TRDMT1: variants seen among roughly 807,000 people sequenced by gnomAD.
TRDMT1 encodes tRNA aspartic acid methyltransferase 1, also known as tRNA (cytosine(38)-C(5))-methyltransferase.
TRDMT1 carries 49 observed loss-of-function variants against 51.2 expected under a neutral mutation model. The ratio of observed to expected loss-of-function variants is 0.96; its 90% CI spans 0.76 to 1.21. TRDMT1 has a LOEUF of 1.21. Ranked by LOEUF, TRDMT1 falls within the 50% of genes most tolerant of loss-of-function variation. The probability of loss-of-function intolerance (pLI) is 0.00; values close to 1 mark genes in which losing one functional copy is unlikely to be tolerated. For missense variants in TRDMT1, 534 were observed against 462.3 expected, an observed-to-expected ratio of 1.16 and a Z score of -1.42; for synonymous variants, 187 against 164.6, an observed-to-expected ratio of 1.14 and a Z score of -1.04.
In TRDMT1 at chr10:17,159,242, C is replaced by T; in HGVS notation, c.460-13G>A. On this transcript the variant is annotated splice_polypyrimidine_tract_variant and intron_variant, in intron 6 of 10. Coordinates refer to ENST00000377799, the MANE Select transcript of TRDMT1 (RefSeq NM_004412.7). The stretch of plus-strand genomic sequence containing the variant: ...TTGGAATGCCAAGCTGTAAGCAAAG[C>T]AAAGCAGTTAGTTACTCTAAAAAAT... The T allele has an allele frequency of 6.3e-7, 1 of 1,581,070 alleles. No homozygotes were observed.
chr10:17,150,788 A>G (rs1212791303), intron 10 of TRDMT1: 1 of 984,842 alleles, frequency 1.0e-6, no homozygotes, highest in Non-Finnish European at 1.2e-6. Flanking sequence ...ATTAAACATG[A>G]TCATAAAGTT....
At chr10:17,174,421 C>A in intron 2 of TRDMT1, 130 bp downstream of exon 2, 2 of 590,306 alleles carry the variant, frequency 3.4e-6, no homozygotes, top group South Asian at 2.7e-5. Flanking sequence ...ATGTTAATCT[C>A]CTTCTCCTGA....
chr10:17,143,852 T>C lies in TRDMT1; in HGVS notation c.*5188A>G, dbSNP rs1266273275. The C allele has an allele frequency of 1.0e-6, 1 of 985,340 alleles. No individual in the cohort carries two copies. The highest frequency in any genetic ancestry group is 1.7e-5 in the African/African-American group (1 of 57,236). The allele number at this position is 985,340 out of a possible 1,614,324, so 61.0% of individuals were successfully genotyped here. ...ATGTGGAGACTAACCGTACCATAAATATTAAAGTCAAGAGTGGAACTGACT... is the reference window on the plus strand; with the variant it reads ...ATGTGGAGACTAACCGTACCATAAACATTAAAGTCAAGAGTGGAACTGACT... On this transcript the variant is annotated 3_prime_UTR_variant, in exon 11 of 11. Coordinates refer to ENST00000377799, the MANE Select transcript of TRDMT1 (RefSeq NM_004412.7).
chr10:17,151,867 G>A, intron 10 of TRDMT1: 2 of 1,034,722 alleles, frequency 1.9e-6, no homozygotes, highest in South Asian at 6.1e-5. Flanking sequence ...CAGGAGTTAT[G>A]ATCATCCTCA....
In TRDMT1 at chr10:17,149,049, T is replaced by C. The variant is rs769638031; in HGVS notation, c.1167A>G (p.Leu389=). 6.2e-6 allele frequency: 10 copies of C among 1,603,520 alleles called. No individual in the cohort carries two copies. The highest frequency in any genetic ancestry group is 1.7e-5 in the Admixed American group (1 of 58,604). Residue 389 remains leucine (L), a synonymous_variant, in exon 11 of 11, where the codon TTA becomes TTG. Transcript: ENST00000377799. ...CAGAGTTATTTCAAAATTATTCATA[T>C]AAGATTTTGATTAGTTTAGCTACTA... The part of the protein sequence containing the change: ...VHVVAKLIKI[L]YE
At chr10:17,164,556 T>G (rs909712341) in intron 3 of TRDMT1, among the ~76,000 whole-genome samples, 4 of 152,076 alleles carry the variant, frequency 2.6e-5, no homozygotes, top group African/African-American at 9.7e-5. Context: ...GGGCATTCAG[T>G]TAGGAAAAGA....
chr10:17,146,445 A>T lies in TRDMT1; in HGVS notation c.*2595T>A. 1 of 985,400 alleles carries T rather than the reference A, an allele frequency of 1.0e-6. No homozygotes were observed. Among genetic ancestry groups the T allele is most frequent in the Non-Finnish European group, 1.2e-6 (1 of 829,930 alleles). The allele number at this position is 985,400 out of a possible 1,614,324, so 61.0% of individuals were successfully genotyped here. A position where few individuals can be genotyped will look rare whatever the true frequency, so the allele number is the denominator to read the frequency against. On this transcript the variant is annotated 3_prime_UTR_variant, in exon 11 of 11. Transcript: ENST00000377799. ...TCAGGCTCTGACCCCTCCTACAATG[A>T]CTACCCACCTCTTCGAAATCATTTT... is the stretch of plus-strand genomic sequence containing the variant.
chr10:17,195,474 A>T (rs1845281227), intron 1 of TRDMT1, among the ~76,000 whole-genome samples: 1 of 152,168 alleles, frequency 6.6e-6, no homozygotes, highest in Non-Finnish European at 1.5e-5. Context: ...GGGGCAGCAA[A>T]GGTTAAAAAA....
chr10:17,145,803 G>A lies in TRDMT1; in HGVS notation c.*3237C>T. ...GTTTGGATGCAGATGCAGCTGGCCTGCAGAATGCATCCTTTAGTAGGTGCT... is the reference window on the plus strand; with the variant it reads ...GTTTGGATGCAGATGCAGCTGGCCTACAGAATGCATCCTTTAGTAGGTGCT... On this transcript the variant is annotated 3_prime_UTR_variant, in exon 11 of 11. Transcript: ENST00000377799. The A allele has an allele frequency of 2.0e-6, 2 of 985,486 alleles. No individual in the cohort carries two copies. Among genetic ancestry groups the A allele is most frequent in the Non-Finnish European group, 2.4e-6 (2 of 829,944 alleles). The allele number at this position is 985,486 out of a possible 1,614,324, so 61.0% of individuals were successfully genotyped here.
In TRDMT1 at chr10:17,160,382, G is replaced by GAAA. The variant is rs747137251; in HGVS notation, c.390-11_390-9dup. 4.0e-5 allele frequency: 49 copies of GAAA among 1,233,498 alleles called. No homozygotes were observed. The highest frequency in any genetic ancestry group is 1.3e-4 in the South Asian group (8 of 59,404). 76.4% of individuals were successfully genotyped at this position (1,233,498 alleles called of 1,614,324 possible). On this transcript the variant is annotated splice_polypyrimidine_tract_variant and intron_variant, in intron 5 of 10. Transcript: ENST00000377799. Reference sequence around the variant, plus strand: ...GTTTGTATCAAGAGGTCTCTAAAAAGAAAAAAAAAAAACTTTAATTCTTAC... The same window carrying GAAA: ...GTTTGTATCAAGAGGTCTCTAAAAAGAAAAAAAAAAAAAAACTTTAATTCTTAC...
intron 1 of TRDMT1, among the ~76,000 whole-genome samples, chr10:17,177,713 AACACACACAC>A (rs372220525): frequency 4.1e-5 from 6 of 147,146 alleles, no homozygotes; most frequent in South Asian, 4.3e-4. Context: ...ATAGACAAGA[AACACACACAC>A]ACACACACAC....
Position 17,145,190 on chromosome 10 carries a change from T to A in TRDMT1, c.*3850A>T, listed in dbSNP as rs1012927173. Reference sequence around the variant, plus strand: ...TTAACCCAGGAGGGGGAGATTGCAGTGAGCCGAGATCACGCCACTGCACTC... The same window carrying A: ...TTAACCCAGGAGGGGGAGATTGCAGAGAGCCGAGATCACGCCACTGCACTC... On this transcript the variant is annotated 3_prime_UTR_variant, in exon 11 of 11. Coordinates refer to ENST00000377799, the MANE Select transcript of TRDMT1 (RefSeq NM_004412.7). The A allele has an allele frequency of 1.3e-5, 10 of 766,626 alleles. No individual in the cohort carries two copies. In the African/African-American group the frequency reaches 1.5e-4, roughly 12 times the overall value. The allele number at this position is 766,626 out of a possible 1,614,324, so 47.5% of individuals were successfully genotyped here. A position where few individuals can be genotyped will look rare whatever the true frequency, so the allele number is the denominator to read the frequency against.
intron 1 of TRDMT1, among the ~76,000 whole-genome samples, chr10:17,194,951 A>AAGCC (rs1845201711): frequency 9.7e-6 from 1 of 103,134 alleles, no homozygotes; most frequent in Non-Finnish European, 2.1e-5. Context: ...AAAAAAGTCA[A>AAGCC]AAAAAAAAAA....
rs1390166447 is a variant in TRDMT1, at chr10:17,145,839, T to C, written c.*3201A>G. On this transcript the variant is annotated 3_prime_UTR_variant, in exon 11 of 11. Transcript: ENST00000377799. ...CCTTTAGTAGGTGCTTGATATTAGA[T>C]GAAATGTGGTTGCTTCTTTGTTCTG... 7.1e-6 allele frequency: 7 copies of C among 985,466 alleles called. No homozygotes were observed. The East Asian group carries it at 7.9e-4, about 112-fold the overall frequency. 61.0% of individuals were successfully genotyped at this position (985,466 alleles called of 1,614,324 possible).
rs188707673 is a variant in TRDMT1, at chr10:17,198,935, T to G, written c.64+2636A>C. ...TGTATAGATCCAAGGAAGTTAGTAG[T>G]TCTAACCAGAACAACGGCAACATAG... On this transcript the variant is annotated intron_variant, in intron 1 of 10. Transcript: ENST00000377799. Among the ~76,000 whole-genome samples the G allele has an allele frequency of 2.7e-3, 404 of 152,296 alleles. 1 individual carries two copies. The highest frequency in any genetic ancestry group is 4.4e-3 in the Non-Finnish European group (300 of 68,028).
intron 1 of TRDMT1, among the ~76,000 whole-genome samples, chr10:17,177,627 G>A (rs1034066318): frequency 3.3e-5 from 5 of 151,982 alleles, no homozygotes; most frequent in Non-Finnish European, 5.9e-5. Context: ...TTTCAAGAGA[G>A]ACTTCTAGGT....
chr10:17,157,305 C>A lies in TRDMT1; in HGVS notation c.887+136G>T, dbSNP rs1356345274. 3 of 769,538 alleles carry A rather than the reference C, an allele frequency of 3.9e-6. No homozygotes were observed. In the East Asian group the frequency reaches 8.1e-5, roughly 21 times the overall value. The allele number at this position is 769,538 out of a possible 1,614,324, so 47.7% of individuals were successfully genotyped here. ...GTGTTCTACTGGAACATGAAGTAGG[C>A]AATTAAGGGAAAATACCTCATTCTA... On this transcript the variant is annotated intron_variant, in intron 8 of 10. Coordinates refer to ENST00000377799, the MANE Select transcript of TRDMT1 (RefSeq NM_004412.7).
At chr10:17,183,597 T>C (rs1426299188) in intron 1 of TRDMT1, among the ~76,000 whole-genome samples, 3 of 152,060 alleles carry the variant, frequency 2.0e-5, no homozygotes, top group Non-Finnish European at 4.4e-5. Context: ...TTTGTATTTT[T>C]AGAAAGAGAC....
At chr10:17,177,180 T>TTTTATTTA (rs60893968) in intron 1 of TRDMT1, among the ~76,000 whole-genome samples, 3,658 of 141,520 alleles carry the variant, frequency 0.026, 127 homozygotes, top group African/African-American at 0.072. Context: ...AACACATTTA[T>TTTTATTTA]TTTATTTATT....
Sources: allele counts gnomAD v4.1 joint callset (sites outside exome capture counted in the v4.1 genomes callset), GRCh38; gene constraint gnomAD v4.1.1; transcripts MANE v1.5; gene names NCBI Gene and HGNC (gene_info 2026-07-23, HGNC 2026-07-21).